Variants in OCIAD1 observed in about 807,000 individuals in gnomAD.
OCIAD1 encodes OCIA domain containing 1.
Under a neutral mutation model 38.9 loss-of-function variants are expected in OCIAD1, and 29 were observed. The ratio of observed to expected loss-of-function variants is 0.74; its 90% confidence interval spans 0.55 to 1.02. The LOEUF is 1.02. Among genes scored for constraint, OCIAD1 ranks in the 50% least tolerant of loss-of-function variants. OCIAD1 has a pLI of 0.00. For synonymous variants in OCIAD1, 110 were observed against 92.0 expected, an observed-to-expected ratio of 1.20 and a Z score of -1.12; for missense variants, 288 against 289.6, an observed-to-expected ratio of 0.99 and a Z score of 0.04.
intron 5 of OCIAD1, among the ~76,000 whole-genome samples, chr4:48,849,643 A>G (rs1296106016): frequency 2.6e-5 from 4 of 152,154 alleles, no homozygotes; most frequent in Admixed American, 1.3e-4. Context: ...TCCTCTTCCC[A>G]TTATACCTTT....
intron 8 of OCIAD1, among the ~76,000 whole-genome samples, 159 bp from the exon 9 acceptor site, chr4:48,860,564 CAA>C (rs780457955): frequency 1.3e-5 from 2 of 152,180 alleles, no homozygotes; most frequent in Non-Finnish European, 2.9e-5. Context: ...CCCAAGTTCA[CAA>C]AAGTCTGGTC....
intron 1 of OCIAD1, among the ~76,000 whole-genome samples, chr4:48,818,166 G>A (rs898105357): frequency 3.3e-5 from 5 of 152,278 alleles, no homozygotes; most frequent in Non-Finnish European, 7.4e-5. Context: ...ACCTCTTACA[G>A]GAGAGCTCCA....
intron 8 of OCIAD1, chr4:48,860,102 G>A (rs2109638129): frequency 6.6e-6 from 1 of 152,436 alleles, no homozygotes; most frequent in South Asian, 2.1e-4. Context: ...AAGCAAAAAA[G>A]TAAAGGAGTA....
intron 1 of OCIAD1, among the ~76,000 whole-genome samples, chr4:48,814,022 T>C (rs1777117393): frequency 6.6e-6 from 1 of 152,198 alleles, no homozygotes; most frequent in Non-Finnish European, 1.5e-5. Flanking sequence ...CTGAGATTGA[T>C]GTGTAGGACC....
intron 1 of OCIAD1, among the ~76,000 whole-genome samples, chr4:48,823,983 T>C (rs866856306): frequency 6.6e-6 from 1 of 151,282 alleles, no homozygotes; most frequent in Non-Finnish European, 1.5e-5. Context: ...GAATTCTTCT[T>C]TTGTTTTGTT....
intron 8 of OCIAD1, among the ~76,000 whole-genome samples, chr4:48,857,655 G>A (rs1780181266): frequency 6.6e-6 from 1 of 151,876 alleles, no homozygotes; most frequent in Non-Finnish European, 1.5e-5. Flanking sequence ...AAATAGCTAG[G>A]ACTACAGGCC....
Position 48,832,606 on chromosome 4 carries a change from T to C in OCIAD1, c.-5-14T>C, listed in dbSNP as rs1278249167. ...ATAGTTTCTAATACTTAATATGTAA[T>C]GTTTTTGATACAGGAAAGATGAATG... is the stretch of plus-strand genomic sequence containing the variant. On this transcript the variant is annotated splice_polypyrimidine_tract_variant and intron_variant, in intron 1 of 8. Coordinates refer to ENST00000264312, the MANE Select transcript of OCIAD1 (RefSeq NM_017830.4). The C allele has an allele frequency of 6.2e-7, 1 of 1,605,186 alleles. No homozygotes were observed. The highest frequency in any genetic ancestry group is 1.1e-5 in the South Asian group (1 of 90,906).
chr4:48,830,341 C>T (rs576363695), upstream of OCIAD1, among the ~76,000 whole-genome samples: 37 of 152,248 alleles, frequency 2.4e-4, no homozygotes, highest in Admixed American at 1.9e-3. Flanking sequence ...ACCTGAGAGG[C>T]TTTGAGGGGT....
intron 1 of OCIAD1, among the ~76,000 whole-genome samples, chr4:48,807,388 C>A (rs1378491085): frequency 6.6e-6 from 1 of 152,000 alleles, no homozygotes; most frequent in Non-Finnish European, 1.5e-5. Context: ...CCTGGATCTA[C>A]TACTTATTAG....
At chr4:48,859,474 G>A (rs1439626833) in intron 8 of OCIAD1, among the ~76,000 whole-genome samples, 2 of 152,126 alleles carry the variant, frequency 1.3e-5, no homozygotes, top group Admixed American at 6.6e-5. Flanking sequence ...CACTGTATCA[G>A]AAATTGAGTA....
At chr4:48,827,451 A>C (rs777236850), upstream of OCIAD1, among the ~76,000 whole-genome samples, 46 of 152,226 alleles carry the variant, frequency 3.0e-4, no homozygotes, top group Non-Finnish European at 5.6e-4. Context: ...AGAACACATT[A>C]GTCTGAGTTG....
intron 5 of OCIAD1, among the ~76,000 whole-genome samples, chr4:48,849,465 T>C (rs1021930079): frequency 3.9e-5 from 6 of 152,224 alleles, no homozygotes; most frequent in South Asian, 2.1e-4. Context: ...TTTATTACTT[T>C]AAGGGATTTG....
At chr4:48,808,758 G>A (rs1351470276) in intron 1 of OCIAD1, among the ~76,000 whole-genome samples, 1 of 152,204 alleles carries the variant, frequency 6.6e-6, no homozygotes, top group Non-Finnish European at 1.5e-5. Context: ...TACCCAGCCT[G>A]TGGTATTCTA....
At chr4:48,855,292 T>A (rs1287191128) in intron 7 of OCIAD1, among the ~76,000 whole-genome samples, 8 of 152,210 alleles carry the variant, frequency 5.3e-5, no homozygotes, top group Non-Finnish European at 1.0e-4. Flanking sequence ...TCAGAATTTT[T>A]AATATAACAT....
At chr4:48,857,582 C>T (rs1360593971) in intron 8 of OCIAD1, among the ~76,000 whole-genome samples, 6 of 151,530 alleles carry the variant, frequency 4.0e-5, no homozygotes, top group South Asian at 4.2e-4. Context: ...TGCAGTGGCA[C>T]GATCTTGGCT....
rs372906466 is a variant in OCIAD1 at position 48,854,229 on chromosome 4, C to T, written c.547+2254C>T. 2.6e-4 allele frequency among the ~76,000 whole-genome samples: 39 copies of T among 152,202 alleles called. 1 individual carries two copies. The South Asian group carries it at 8.1e-3, about 32-fold the overall frequency. On this transcript the variant is annotated intron_variant, in intron 7 of 8. Coordinates refer to ENST00000264312, the MANE Select transcript of OCIAD1 (RefSeq NM_017830.4). ...CCTTTATGTTCTATGTTTTTTTGAT[C>T]TAGATGGCTACTAAGTTACTAACAG...
At chr4:48,833,616 TAA>T in intron 3 of OCIAD1, 135 bp downstream of exon 3, 1 of 589,152 alleles carries the variant, frequency 1.7e-6, no homozygotes, top group East Asian at 2.8e-5. Flanking sequence ...TGGTTGTTGT[TAA>T]AAGAGATTAA....
intron 8 of OCIAD1, among the ~76,000 whole-genome samples, chr4:48,859,744 C>G (rs895539574): frequency 6.6e-6 from 1 of 152,102 alleles, no homozygotes; most frequent in Non-Finnish European, 1.5e-5. Flanking sequence ...AGGGTAGATT[C>G]ACATGGTCAG....
rs1244944349 is a variant in OCIAD1, at chr4:48,832,646, C to T, written c.22C>T (p.Arg8Ter). The T allele has an allele frequency of 5.0e-6, 8 of 1,613,066 alleles. No individual in the cohort carries two copies. Among genetic ancestry groups the T allele is most frequent in the Non-Finnish European group, 5.9e-6 (7 of 1,179,260 alleles). Residue 8 changes from arginine to a stop codon, truncating the protein, a stop_gained, in exon 2 of 9, where the codon CGA becomes TGA. Coordinates refer to ENST00000264312, the MANE Select transcript of OCIAD1 (RefSeq NM_017830.4). LOFTEE classifies it high-confidence loss of function. MNGRADFREPNAEVPRPI... is the reference protein window; with the variant it reads MNGRADF ...AAAGATGAATGGGAGGGCTGATTTT[C>T]GAGAGCCGAATGCAGAGGTTCCAAG... is the stretch of plus-strand genomic sequence containing the variant.
Sources: allele counts gnomAD v4.1 joint callset (sites outside exome capture counted in the v4.1 genomes callset), GRCh38; gene constraint gnomAD v4.1.1; transcripts MANE v1.5; gene names NCBI Gene and HGNC (gene_info 2026-07-23, HGNC 2026-07-21).